The following RNF180 variants were observed in gnomAD, a reference collection of about 807,000 sequenced individuals.
RNF180 encodes E3 ubiquitin-protein ligase RNF180.
A neutral mutation model predicts 59.2 loss-of-function variants in RNF180; 38 were observed. That is an observed-to-expected ratio of 0.64 (90% CI 0.50 to 0.84). The LOEUF (loss-of-function observed/expected upper bound fraction) is 0.84, where lower values mean the gene tolerates loss of function less well. Ranked by LOEUF, RNF180 falls within the 40% of genes least tolerant of loss-of-function variation. The pLI is 0.00. For missense variants in RNF180, 705 were observed against 700.9 expected (o/e 1.01, Z -0.07); for synonymous variants, 262 against 240.3 (o/e 1.09, Z -0.84).
intron 5 of RNF180, among the ~76,000 whole-genome samples, chr5:64,285,352 G>A (rs887399130): frequency 1.3e-5 from 2 of 152,218 alleles, no homozygotes; most frequent in African/African-American, 4.8e-5. Context: ...ATCAGCTGGG[G>A]TGGGTAGCAG....
intron 5 of RNF180, among the ~76,000 whole-genome samples, chr5:64,273,581 A>T (rs781651556): frequency 6.6e-6 from 1 of 152,048 alleles, no homozygotes; most frequent in African/African-American, 2.4e-5. Flanking sequence ...ATTTCAAGAT[A>T]TTTGAAAAAA....
intron 2 of RNF180, among the ~76,000 whole-genome samples, chr5:64,205,707 G>A (rs927275026): frequency 7.9e-5 from 12 of 152,024 alleles, no homozygotes; most frequent in Admixed American, 2.0e-4. Context: ...ACCATGCAGT[G>A]TATGAATGGA....
At position 64,352,035 on chromosome 5, in the gene RNF180, C is replaced by CT. The variant is rs928384509; in HGVS notation, c.1580-17571dup. Among the ~76,000 whole-genome samples the CT allele has an allele frequency of 1.2e-4, 18 of 151,082 alleles. 1 individual carries two copies. The highest frequency in any genetic ancestry group is 2.7e-4 in the African/African-American group (11 of 41,244). On this transcript the variant is annotated intron_variant, in intron 7 of 7. Transcript: ENST00000389100. ...GGCTGTGAATCCATCTCATCCTGGA[C>CT]TTTTTTTTTGTTGGTAGGCTATTAA... is the stretch of plus-strand genomic sequence containing the variant.
At chr5:64,245,382 T>G (rs1317158306) in intron 5 of RNF180, among the ~76,000 whole-genome samples, 1 of 152,146 alleles carries the variant, frequency 6.6e-6, no homozygotes, top group African/African-American at 2.4e-5. Flanking sequence ...CAATCTCACA[T>G]GCAAAGACAC....
chr5:64,372,454 A>G lies in RNF180; in HGVS notation c.*2640A>G, dbSNP rs750569261. The G allele has an allele frequency of 1.8e-4, 27 of 151,962 alleles. No homozygotes were observed. The highest frequency in any genetic ancestry group is 1.4e-3 in the Admixed American group (22 of 15,198). The allele number at this position is 151,962 out of a possible 1,614,324, so 9.4% of individuals were successfully genotyped here. On this transcript the variant is annotated 3_prime_UTR_variant, in exon 8 of 8. Coordinates refer to ENST00000389100, the MANE Select transcript of RNF180 (RefSeq NM_001113561.2). ...GCCACTATAGTATTATATGCTAAAT[A>G]TGAAAGCAGTGCTGCCATCAGTTTC... is the stretch of plus-strand genomic sequence containing the variant.
At chr5:64,236,337 G>A (rs970466664) in intron 5 of RNF180, among the ~76,000 whole-genome samples, 4 of 152,206 alleles carry the variant, frequency 2.6e-5, no homozygotes, top group Non-Finnish European at 2.9e-5. Context: ...TTGAACTTGT[G>A]AGAGATGATT....
chr5:64,244,803 T>C (rs568978308), intron 5 of RNF180, among the ~76,000 whole-genome samples: 12 of 152,106 alleles, frequency 7.9e-5, no homozygotes, highest in Non-Finnish European at 1.6e-4. Context: ...TCACCAAGGT[T>C]GAAATGAAGG....
chr5:64,275,122 A>T (rs10075920), intron 5 of RNF180, among the ~76,000 whole-genome samples: 39,022 of 151,264 alleles, frequency 0.26, 5,166 homozygotes, highest in Middle Eastern at 0.32. Flanking sequence ...ATAAAAATTT[A>T]TGTTTCTTTA....
chr5:64,290,727 G>A (rs984045477), intron 5 of RNF180, among the ~76,000 whole-genome samples: 5 of 151,896 alleles, frequency 3.3e-5, no homozygotes, highest in East Asian at 1.9e-4. Context: ...CATTGTCTTG[G>A]TAAAATTTCC....
chr5:64,293,248 TG>T (rs992362159), intron 5 of RNF180, among the ~76,000 whole-genome samples: 23 of 152,236 alleles, frequency 1.5e-4, no homozygotes, highest in African/African-American at 5.1e-4. Flanking sequence ...CTCCTGCTCC[TG>T]GGGGGGCTGT....
In RNF180 at chr5:64,313,029, A is replaced by C. The variant is rs192128608; in HGVS notation, c.1228-12157A>C. Among the ~76,000 whole-genome samples, 571 of 152,172 alleles carry C rather than the reference A, an allele frequency of 3.8e-3. 9 individuals carry two copies. Among genetic ancestry groups the C allele is most frequent in the African/African-American group, 0.013 (520 of 41,518 alleles). The stretch of plus-strand genomic sequence containing the variant: ...ATCAGAAGTTTTTCAGACTTTGGGT[A>C]TTTTCAGAATTTTGAATATTTGTAT... On this transcript the variant is annotated intron_variant, in intron 5 of 7. Transcript: ENST00000389100.
chr5:64,320,812 G>T (rs1019029603), intron 5 of RNF180, among the ~76,000 whole-genome samples: 1 of 152,206 alleles, frequency 6.6e-6, no homozygotes, highest in East Asian at 1.9e-4. Flanking sequence ...GCTGAGGCAG[G>T]CAGATCATGA....
intron 5 of RNF180, among the ~76,000 whole-genome samples, chr5:64,288,051 T>C (rs1054146455): frequency 6.6e-6 from 1 of 152,238 alleles, no homozygotes; most frequent in African/African-American, 2.4e-5. Flanking sequence ...CATTTAAATA[T>C]TTAATCCATG....
chr5:64,367,318 C>A (rs1458660821), intron 7 of RNF180, among the ~76,000 whole-genome samples: 2 of 151,354 alleles, frequency 1.3e-5, no homozygotes, highest in Non-Finnish European at 3.0e-5. Context: ...ACACAGGATA[C>A]CACTATAGAA....
chr5:64,226,678 AG>A (rs1741781606), intron 5 of RNF180, among the ~76,000 whole-genome samples: 1 of 151,940 alleles, frequency 6.6e-6, no homozygotes, highest in Non-Finnish European at 1.5e-5. Context: ...AAAAAAAAAA[AG>A]AAAAAATTTT....
At chr5:64,222,735 A>T (rs1483597763) in intron 5 of RNF180, among the ~76,000 whole-genome samples, 2 of 152,360 alleles carry the variant, frequency 1.3e-5, no homozygotes, top group East Asian at 3.9e-4. Context: ...ATCAATTAGG[A>T]TGATGGGAGC....
intron 5 of RNF180, among the ~76,000 whole-genome samples, chr5:64,315,564 G>A (rs1743994013): frequency 6.6e-6 from 1 of 151,910 alleles, no homozygotes; most frequent in Non-Finnish European, 1.5e-5. Context: ...GACCAACATG[G>A]TGAAACCCCT....
intron 1 of RNF180, among the ~76,000 whole-genome samples, chr5:64,183,207 A>T (rs1268677281): frequency 6.6e-6 from 1 of 152,118 alleles, no homozygotes; most frequent in Non-Finnish European, 1.5e-5. Context: ...AACTTCTAGG[A>T]CTCAGTTTCC....
At chr5:64,168,154 A>G (rs949753586) in intron 1 of RNF180, among the ~76,000 whole-genome samples, 96 of 152,328 alleles carry the variant, frequency 6.3e-4, no homozygotes, top group Non-Finnish European at 2.4e-4. Context: ...ACATTTCATG[A>G]TAACATTCAT....
Sources: gnomAD v4.1 joint callset for allele counts (sites outside exome capture counted in the v4.1 genomes callset) on GRCh38, gnomAD v4.1.1 for gene constraint, MANE v1.5 for transcripts, NCBI Gene and HGNC (gene_info 2026-07-23, HGNC 2026-07-21) for gene names.